The following MYO16 variants were observed in gnomAD, a reference collection of about 807,000 sequenced individuals.
MYO16 encodes the protein myosin XVI.
MYO16 carries 94 observed loss-of-function variants against 205.3 expected under a neutral mutation model. That is an observed-to-expected ratio of 0.46 (90% CI 0.39 to 0.54). The LOEUF (loss-of-function observed/expected upper bound fraction) is 0.54, where lower values mean the gene tolerates loss of function less well. Among genes scored for constraint, MYO16 ranks in the 20% least tolerant of loss-of-function variants. MYO16 has a pLI of 0.00. For synonymous variants in MYO16, 988 were observed against 954.0 expected, an observed-to-expected ratio of 1.04 and a Z score of -0.66; for missense variants, 2,315 against 2,387.5, an observed-to-expected ratio of 0.97 and a Z score of 0.63.
At chr13:108,949,957 C>G (rs1441736387) in intron 16 of MYO16, among the ~76,000 whole-genome samples, 2 of 151,398 alleles carry the variant, frequency 1.3e-5, no homozygotes, top group Non-Finnish European at 2.9e-5. Context: ...ACAAAAGGTG[C>G]TGGACAACTG....
chr13:108,917,193 A>G (rs1881535364), intron 16 of MYO16, among the ~76,000 whole-genome samples: 1 of 152,138 alleles, frequency 6.6e-6, no homozygotes. Context: ...AGGCCCCCTA[A>G]CTTAAGAGCA....
chr13:109,047,023 G>A (rs1357218294), intron 24 of MYO16, 32 bp downstream of exon 24: 4 of 1,434,652 alleles, frequency 2.8e-6, no homozygotes, highest in Non-Finnish European at 3.9e-6. Context: ...CCCTACACTG[G>A]TTAAAATGCC....
At chr13:108,646,639 A>G (rs1880768881) in intron 1 of MYO16, among the ~76,000 whole-genome samples, 1 of 152,220 alleles carries the variant, frequency 6.6e-6, no homozygotes, top group African/African-American at 2.4e-5. Flanking sequence ...CTTCCATCTG[A>G]GTGAACTGAG....
the MYO16 span, among the ~76,000 whole-genome samples, chr13:108,538,786 G>T: frequency 6.6e-6 from 1 of 152,090 alleles, no homozygotes; most frequent in East Asian, 1.9e-4. Flanking sequence ...TCTTTTTGTG[G>T]AATGAACAAA....
intron 2 of MYO16, among the ~76,000 whole-genome samples, chr13:108,682,615 A>T (rs1882508481): frequency 6.6e-6 from 1 of 152,154 alleles, no homozygotes; most frequent in Non-Finnish European, 1.5e-5. Context: ...GGAAAGAAAA[A>T]GGGTTAAGGA....
intron 20 of MYO16, among the ~76,000 whole-genome samples, chr13:108,981,982 A>G (rs1566444555): frequency 6.6e-6 from 1 of 152,192 alleles, no homozygotes; most frequent in South Asian, 2.1e-4. Context: ...TAAAATCCCA[A>G]ACCTTCAGGT....
At chr13:108,934,527 T>G (rs1350379327) in intron 16 of MYO16, among the ~76,000 whole-genome samples, 2 of 152,200 alleles carry the variant, frequency 1.3e-5, no homozygotes, top group Non-Finnish European at 2.9e-5. Flanking sequence ...TGTAAATATA[T>G]TCTTCCATTC....
intron 28 of MYO16, chr13:109,101,325 T>C (rs9521173): frequency 0.2 from 31,771 of 155,442 alleles, 3,444 homozygotes; most frequent in East Asian, 0.43. Context: ...TCAGCTCCCC[T>C]TTTTTTCTGT....
intron 1 of MYO16, among the ~76,000 whole-genome samples, chr13:108,654,187 A>G (rs957475194): frequency 5.3e-5 from 8 of 152,164 alleles, no homozygotes; most frequent in African/African-American, 1.9e-4. Flanking sequence ...TCCAGCCAGT[A>G]CCAAGGTGAC....
chr13:108,874,802 A>G (rs1879248655), intron 12 of MYO16, among the ~76,000 whole-genome samples: 1 of 151,856 alleles, frequency 6.6e-6, no homozygotes, highest in Non-Finnish European at 1.5e-5. Context: ...ATAGGTATAC[A>G]GTTCACAAAT....
chr13:109,072,149 C>T (rs9555554), intron 27 of MYO16, among the ~76,000 whole-genome samples: 75,967 of 151,964 alleles, frequency 0.5, 19,019 homozygotes, highest in Middle Eastern at 0.55. Flanking sequence ...TTGTTTCAGA[C>T]GCTCATCAGC....
chr13:108,851,334 A>G (rs920249337), intron 10 of MYO16, among the ~76,000 whole-genome samples: 5 of 152,194 alleles, frequency 3.3e-5, no homozygotes, highest in Non-Finnish European at 7.4e-5. Context: ...ATGTGTGTGT[A>G]AGTTTATGTA....
chr13:108,529,040 A>G, the MYO16 span, among the ~76,000 whole-genome samples: 2 of 152,094 alleles, frequency 1.3e-5, no homozygotes, highest in East Asian at 1.9e-4. Flanking sequence ...ATCTTTCAGA[A>G]CATAACCTAA....
At chr13:109,062,400 G>A (rs547661601) in intron 27 of MYO16, among the ~76,000 whole-genome samples, 1 of 152,214 alleles carries the variant, frequency 6.6e-6, no homozygotes, top group East Asian at 1.9e-4. Flanking sequence ...AGAGACCATA[G>A]GCATACTGTA....
intron 2 of MYO16, among the ~76,000 whole-genome samples, chr13:108,671,438 C>A (rs926331941): frequency 6.6e-6 from 1 of 152,142 alleles, no homozygotes; most frequent in Non-Finnish European, 1.5e-5. Context: ...CTCAGCAAGG[C>A]AACCTATATA....
intron 15 of MYO16, among the ~76,000 whole-genome samples, chr13:108,903,676 T>C (rs1197202285): frequency 1.3e-5 from 2 of 152,220 alleles, no homozygotes; most frequent in African/African-American, 4.8e-5. Context: ...CAGTAAATAC[T>C]TTTGTTATAC....
the MYO16 span, among the ~76,000 whole-genome samples, chr13:108,539,244 T>C: frequency 6.6e-6 from 1 of 152,122 alleles, no homozygotes; most frequent in Non-Finnish European, 1.5e-5. Flanking sequence ...CTCAGACACA[T>C]AATATTCAAT....
intron 13 of MYO16, among the ~76,000 whole-genome samples, chr13:108,883,812 A>G (rs1879729333): frequency 6.6e-6 from 1 of 152,008 alleles, no homozygotes; most frequent in Non-Finnish European, 1.5e-5. Context: ...TTTTGTAGAG[A>G]TGAGATCTCA....
chr13:108,814,439 TTTCC>T (rs200756307), intron 7 of MYO16, among the ~76,000 whole-genome samples: 3,154 of 152,204 alleles, frequency 0.021, 50 homozygotes, highest in Middle Eastern at 0.037. Flanking sequence ...CATTTTCTTC[TTTCC>T]TTCCTTCCTT....
Sources: allele counts gnomAD v4.1 joint callset (sites outside exome capture counted in the v4.1 genomes callset), GRCh38; gene constraint gnomAD v4.1.1; transcripts MANE v1.5; gene names NCBI Gene and HGNC (gene_info 2026-07-23, HGNC 2026-07-21).